The following PAK1 variants were observed in gnomAD, a reference collection of about 807,000 sequenced individuals.
The protein encoded by PAK1 is p21 (RAC1) activated kinase 1, also known as serine/threonine-protein kinase PAK 1.
Under a neutral mutation model 67.4 loss-of-function variants are expected in PAK1, and 29 were observed. The observed-to-expected ratio is 0.43, with a 90% CI of 0.32 to 0.59. The LOEUF is 0.59. Ranked by LOEUF, PAK1 falls within the 20% of genes least tolerant of loss-of-function variation. PAK1 has a pLI of 0.07. For missense variants in PAK1, 337 were observed against 670.7 expected, an observed-to-expected ratio of 0.50 and a Z score of 5.50; for synonymous variants, 223 against 237.4, an observed-to-expected ratio of 0.94 and a Z score of 0.56.
chr11:77,352,324 T>A (rs1945364865), intron 8 of PAK1, among the ~76,000 whole-genome samples: 1 of 152,180 alleles, frequency 6.6e-6, no homozygotes, highest in Non-Finnish European at 1.5e-5. Context: ...TGCTTTTTCA[T>A]ATCTAGCTTC....
chr11:77,465,869 A>T (rs1350696287), intron 1 of PAK1, among the ~76,000 whole-genome samples: 1 of 152,182 alleles, frequency 6.6e-6, no homozygotes, highest in Non-Finnish European at 1.5e-5. Context: ...CGATTGCTTG[A>T]GCCCGGGAGG....
At chr11:77,431,805 T>C (rs942692293) in intron 1 of PAK1, among the ~76,000 whole-genome samples, 1 of 152,190 alleles carries the variant, frequency 6.6e-6, no homozygotes, top group African/African-American at 2.4e-5. Context: ...TACCCACGTA[T>C]AGATGGTGAA....
chr11:77,353,465 A>G (rs1050717657), intron 8 of PAK1, 71 bp downstream of exon 8: 3 of 1,155,654 alleles, frequency 2.6e-6, no homozygotes, highest in Admixed American at 1.8e-5. Context: ...GCAAAAAAAA[A>G]GCAAAATCAT....
In PAK1 at chr11:77,389,821, GGAT is replaced by G. The variant is rs540277637; in HGVS notation, c.190+2507_190+2509del. Among the ~76,000 whole-genome samples the G allele has an allele frequency of 1.2e-3, 182 of 152,122 alleles. 2 individuals carry two copies. The highest frequency in any genetic ancestry group is 6.8e-3 in the Middle Eastern group (2 of 294). On this transcript the variant is annotated intron_variant, in intron 2 of 14. Coordinates refer to ENST00000356341, the MANE Select transcript of PAK1 (RefSeq NM_002576.5). The stretch of plus-strand genomic sequence containing the variant: ...TCTGTGTGTTACCTTTTTGCTTTCC[GGAT>G]GATGCCCTTTGAAACATAAATGTTT...
chr11:77,365,752 G>C (rs2729752), intron 5 of PAK1, among the ~76,000 whole-genome samples: 10,374 of 152,026 alleles, frequency 0.068, 807 homozygotes, highest in East Asian at 0.24. Context: ...AGAATCGCCT[G>C]AACTCAGGAG....
At chr11:77,357,156 T>C (rs1253236138) in intron 6 of PAK1, among the ~76,000 whole-genome samples, 3 of 152,192 alleles carry the variant, frequency 2.0e-5, no homozygotes, top group African/African-American at 7.2e-5. Flanking sequence ...TTATCTATGA[T>C]GATCATTTAT....
intron 1 of PAK1, among the ~76,000 whole-genome samples, chr11:77,440,682 C>A (rs1156541794): frequency 6.6e-6 from 1 of 152,160 alleles, no homozygotes; most frequent in East Asian, 1.9e-4. Flanking sequence ...AGAAAGAAAA[C>A]AGACAGTAGG....
intron 2 of PAK1, among the ~76,000 whole-genome samples, chr11:77,386,472 C>T (rs1950464792): frequency 6.6e-6 from 1 of 152,194 alleles, no homozygotes; most frequent in Non-Finnish European, 1.5e-5. Context: ...ACCACAGGAA[C>T]CAGGCTTTCC....
chr11:77,449,498 G>C (rs1956762825), intron 1 of PAK1, among the ~76,000 whole-genome samples: 1 of 150,772 alleles, frequency 6.6e-6, no homozygotes, highest in African/African-American at 2.4e-5. Flanking sequence ...AGCCAGGCAT[G>C]AAAACAACTT....
the PAK1 span, among the ~76,000 whole-genome samples, chr11:77,488,734 A>G: frequency 2.0e-5 from 3 of 152,142 alleles, no homozygotes; most frequent in Non-Finnish European, 4.4e-5. Context: ...AGGCTATTTG[A>G]AAATAGTCAA....
At chr11:77,399,136 C>T (rs1952244229) in intron 1 of PAK1, among the ~76,000 whole-genome samples, 1 of 152,068 alleles carries the variant, frequency 6.6e-6, no homozygotes. Flanking sequence ...GCTATGTATG[C>T]TAGAAACCAA....
At chr11:77,389,311 T>C (rs1950842371) in intron 2 of PAK1, among the ~76,000 whole-genome samples, 1 of 152,226 alleles carries the variant, frequency 6.6e-6, no homozygotes, top group Admixed American at 6.5e-5. Flanking sequence ...TTCCACATTT[T>C]ATTATTTATC....
chr11:77,347,309 G>A (rs1432647645), intron 9 of PAK1, among the ~76,000 whole-genome samples: 2 of 152,180 alleles, frequency 1.3e-5, no homozygotes, highest in Non-Finnish European at 2.9e-5. Context: ...AGGGACTCTA[G>A]TATCTAACCT....
At chr11:77,391,553 A>G (rs1387084610) in intron 2 of PAK1, among the ~76,000 whole-genome samples, 3 of 152,170 alleles carry the variant, frequency 2.0e-5, no homozygotes, top group Non-Finnish European at 2.9e-5. Flanking sequence ...AGGGCCCACA[A>G]ATATAAGGAG....
intron 14 of PAK1, among the ~76,000 whole-genome samples, chr11:77,331,618 C>T (rs967795906): frequency 1.3e-5 from 2 of 152,086 alleles, no homozygotes; most frequent in African/African-American, 4.8e-5. Flanking sequence ...GGGAACATCA[C>T]ACACCCGGGA....
the PAK1 span, among the ~76,000 whole-genome samples, chr11:77,489,231 GC>G: frequency 6.6e-6 from 1 of 152,178 alleles, no homozygotes; most frequent in Non-Finnish European, 1.5e-5. Context: ...TAATGAAGCA[GC>G]CTTATTCAAA....
rs941220026 is a variant in PAK1, at chr11:77,437,531, T to G, written c.-22+36021A>C. Reference sequence around the variant, plus strand: ...CAGACCACTGGTTCTCAACAAAAGTTGATTTTGCCTTCCAGGTGACATTTG... The same window carrying G: ...CAGACCACTGGTTCTCAACAAAAGTGGATTTTGCCTTCCAGGTGACATTTG... On this transcript the variant is annotated intron_variant, in intron 1 of 14. Transcript: ENST00000356341. Among the ~76,000 whole-genome samples, 5 of 152,300 alleles carry G rather than the reference T, an allele frequency of 3.3e-5. No homozygotes were observed. The East Asian group carries it at 9.7e-4, about 29-fold the overall frequency.
intron 1 of PAK1, among the ~76,000 whole-genome samples, chr11:77,428,029 A>T (rs1012553748): frequency 6.6e-6 from 1 of 152,220 alleles, no homozygotes; most frequent in Non-Finnish European, 1.5e-5. Context: ...TGCACAGTAT[A>T]CCAAGGAACT....
chr11:77,459,926 G>C (rs959408874), intron 1 of PAK1, among the ~76,000 whole-genome samples: 1 of 151,680 alleles, frequency 6.6e-6, no homozygotes, highest in Non-Finnish European at 1.5e-5. Context: ...TCGATCTCCT[G>C]ACCTCGTGAT....
Sources: gnomAD v4.1 joint callset for allele counts (sites outside exome capture counted in the v4.1 genomes callset) on GRCh38, gnomAD v4.1.1 for gene constraint, MANE v1.5 for transcripts, NCBI Gene and HGNC (gene_info 2026-07-23, HGNC 2026-07-21) for gene names.